NALCN: variants seen among roughly 807,000 people sequenced by gnomAD.
NALCN encodes sodium leak channel NALCN.
In NALCN, 111 loss-of-function variants were observed where a neutral mutation model predicts 225.3. That is an observed-to-expected ratio of 0.49 (90% CI 0.42 to 0.58). The LOEUF (loss-of-function observed/expected upper bound fraction) is 0.58, where lower values mean the gene tolerates loss of function less well. Ranked by LOEUF, NALCN falls within the 20% of genes least tolerant of loss-of-function variation. The probability of loss-of-function intolerance (pLI) is 0.00; values close to 1 mark genes in which losing one functional copy is unlikely to be tolerated. For missense variants in NALCN, 1,378 were observed against 2,202.4 expected, an observed-to-expected ratio of 0.63 and a Z score of 7.49; for synonymous variants, 764 against 769.0, an observed-to-expected ratio of 0.99 and a Z score of 0.11.
At chr13:101,378,675 C>T in intron 3 of NALCN, 22 bp from the exon 4 acceptor site, 3 of 1,567,150 alleles carry the variant, frequency 1.9e-6, no homozygotes, top group Non-Finnish European at 2.6e-6. Context: ...TTTTACATGG[C>T]ATTATTAGGC....
intron 11 of NALCN, among the ~76,000 whole-genome samples, chr13:101,256,962 A>G (rs1467655338): frequency 6.6e-6 from 1 of 151,774 alleles, no homozygotes; most frequent in Non-Finnish European, 1.5e-5. Context: ...ATGGGGTTTC[A>G]CCATGTTGGC....
intron 2 of NALCN, among the ~76,000 whole-genome samples, chr13:101,398,669 G>A (rs964275811): frequency 1.3e-5 from 2 of 152,102 alleles, no homozygotes; most frequent in East Asian, 1.9e-4. Flanking sequence ...ATTCAGGAAC[G>A]TTGACAACAA....
In NALCN at chr13:101,211,318, G is replaced by T. The variant is rs1158378306; in HGVS notation, c.1626+18075C>A. 2.6e-5 allele frequency among the ~76,000 whole-genome samples: 4 copies of T among 152,190 alleles called. No homozygotes were observed. In the South Asian group the frequency reaches 6.2e-4, roughly 24 times the overall value. ...CAAAATAAGATGAGCTGCAAAAATA[G>T]GTTCTCCCTGAAAGAGTACTCTTCT... On this transcript the variant is annotated intron_variant, in intron 13 of 43. Transcript: ENST00000251127.
Position 101,110,586 on chromosome 13 carries a change from T to C in NALCN, c.2364+33A>G, listed in dbSNP as rs1330784278. The C allele has an allele frequency of 2.5e-6, 4 of 1,605,094 alleles. No individual in the cohort carries two copies. In the Admixed American group the frequency reaches 6.7e-5, roughly 27 times the overall value. On this transcript the variant is annotated intron_variant, in intron 20 of 43. Transcript: ENST00000251127. ...ATTTAAATACATTTTCATAATCACG[T>C]TTCTGAAATCCAAAGCATTGCTTAA... is the stretch of plus-strand genomic sequence containing the variant.
chr13:101,314,319 T>TA (rs544959765), intron 7 of NALCN, among the ~76,000 whole-genome samples: 8 of 151,600 alleles, frequency 5.3e-5, no homozygotes, highest in Non-Finnish European at 7.4e-5. Flanking sequence ...AATAATAAAA[T>TA]AAAAAAATGT....
chr13:101,128,563 T>C (rs757596883), intron 17 of NALCN, among the ~76,000 whole-genome samples: 54 of 152,096 alleles, frequency 3.6e-4, no homozygotes, highest in Non-Finnish European at 6.5e-4. Flanking sequence ...GATTTTTTTT[T>C]TTCTTTTTTT....
chr13:101,324,683 G>T (rs561390554), intron 7 of NALCN, among the ~76,000 whole-genome samples: 1 of 152,126 alleles, frequency 6.6e-6, no homozygotes, highest in Non-Finnish European at 1.5e-5. Flanking sequence ...GGGCTGAGAC[G>T]ATGGGGTTTT....
At chr13:101,290,384 A>G (rs2043509416) in intron 9 of NALCN, among the ~76,000 whole-genome samples, 1 of 152,230 alleles carries the variant, frequency 6.6e-6, no homozygotes, top group African/African-American at 2.4e-5. Context: ...CAAAGTCATA[A>G]CTGAAAACAT....
intron 14 of NALCN, among the ~76,000 whole-genome samples, chr13:101,187,053 C>A (rs1334606313): frequency 6.6e-6 from 1 of 152,102 alleles, no homozygotes; most frequent in African/African-American, 2.4e-5. Flanking sequence ...ACAGTAGGCC[C>A]CCCCCTTATC....
intron 12 of NALCN, among the ~76,000 whole-genome samples, chr13:101,236,155 T>C (rs553779566): frequency 3.7e-4 from 57 of 152,074 alleles, no homozygotes; most frequent in Non-Finnish European, 6.8e-4. Context: ...AAAAAACACA[T>C]GGAAAAATGC....
At chr13:101,187,037 A>G (rs947480694) in intron 14 of NALCN, among the ~76,000 whole-genome samples, 3 of 152,170 alleles carry the variant, frequency 2.0e-5, no homozygotes, top group African/African-American at 7.2e-5. Context: ...GTTGTACCCC[A>G]TAAATACAGT....
intron 40 of NALCN, among the ~76,000 whole-genome samples, chr13:101,064,607 T>C (rs1029981073): frequency 6.6e-6 from 1 of 151,110 alleles, no homozygotes; most frequent in Non-Finnish European, 1.5e-5. Context: ...CATGTGAAGA[T>C]GAAGGGAGAC....
At chr13:101,211,831 A>G (rs576883476) in intron 13 of NALCN, among the ~76,000 whole-genome samples, 110 of 152,178 alleles carry the variant, frequency 7.2e-4, no homozygotes, top group African/African-American at 2.5e-3. Flanking sequence ...AATATAAAAT[A>G]TCTCCAAAGA....
chr13:101,389,798 T>C (rs995215460), intron 3 of NALCN, among the ~76,000 whole-genome samples: 1 of 152,146 alleles, frequency 6.6e-6, no homozygotes, highest in Non-Finnish European at 1.5e-5. Context: ...AAATAATACA[T>C]AGGCCGGGCA....
At chr13:101,184,625 T>C (rs1432124206) in intron 14 of NALCN, among the ~76,000 whole-genome samples, 1 of 152,240 alleles carries the variant, frequency 6.6e-6, no homozygotes, top group Non-Finnish European at 1.5e-5. Context: ...AATTTTGTTG[T>C]GATGCAGATC....
intron 43 of NALCN, 104 bp downstream of exon 43, chr13:101,057,833 CTG>C (rs1291382983): frequency 2.3e-6 from 2 of 862,714 alleles, no homozygotes; most frequent in Admixed American, 1.7e-5. Context: ...CTGTAAACAA[CTG>C]TAGATGCAGA....
At chr13:101,277,001 T>A (rs1350585472) in intron 10 of NALCN, among the ~76,000 whole-genome samples, 6 of 152,196 alleles carry the variant, frequency 3.9e-5, no homozygotes, top group South Asian at 2.1e-4. Context: ...TACACACATA[T>A]GCACTTATAT....
chr13:101,179,111 T>C (rs554632253), intron 14 of NALCN, among the ~76,000 whole-genome samples: 2 of 152,270 alleles, frequency 1.3e-5, no homozygotes, highest in East Asian at 3.9e-4. Flanking sequence ...GATACATAAA[T>C]ACAATATTGC....
intron 27 of NALCN, among the ~76,000 whole-genome samples, chr13:101,099,905 G>GTGTATATATTGCAAA (rs879596865): frequency 3.3e-5 from 5 of 152,158 alleles, no homozygotes; most frequent in African/African-American, 4.8e-5. Flanking sequence ...GCTGTATATA[G>GTGTATATATTGCAAA]TGTATATATT....
Sources: allele counts gnomAD v4.1 joint callset (sites outside exome capture counted in the v4.1 genomes callset), GRCh38; gene constraint gnomAD v4.1.1; transcripts MANE v1.5; gene names NCBI Gene and HGNC (gene_info 2026-07-23, HGNC 2026-07-21).